PTPRR: variants seen among roughly 807,000 people sequenced by gnomAD.
The protein encoded by PTPRR is receptor-type tyrosine-protein phosphatase R.
In PTPRR, 38 loss-of-function variants were observed where a neutral mutation model predicts 77.2. That is an observed-to-expected ratio of 0.49 (90% CI 0.38 to 0.65). The LOEUF is 0.65. Ranked by LOEUF, PTPRR falls within the 30% of genes least tolerant of loss-of-function variation. The pLI, the probability that PTPRR is intolerant of heterozygous loss-of-function variation, is 0.00. For synonymous variants in PTPRR, 299 were observed against 283.1 expected (o/e 1.06, Z -0.57); for missense variants, 744 against 799.2 (o/e 0.93, Z 0.83).
intron 4 of PTPRR, among the ~76,000 whole-genome samples, chr12:70,756,071 G>A (rs1443652667): frequency 6.6e-6 from 1 of 152,034 alleles, no homozygotes; most frequent in East Asian, 1.9e-4. Flanking sequence ...GTAAAATTTG[G>A]ATAAAAAGGG....
intron 1 of PTPRR, among the ~76,000 whole-genome samples, chr12:70,914,014 T>C (rs945971839): frequency 3.9e-5 from 6 of 151,932 alleles, no homozygotes; most frequent in African/African-American, 1.5e-4. Context: ...TATACAGGAT[T>C]GAAAAGGGAA....
intron 6 of PTPRR, among the ~76,000 whole-genome samples, chr12:70,718,268 GT>G (rs34571781): frequency 0.07 from 10,300 of 146,984 alleles, 464 homozygotes; most frequent in South Asian, 0.12. Flanking sequence ...ATGGTCCACT[GT>G]TTTTTTTTTT....
chr12:70,712,872 C>T (rs1043013608), intron 6 of PTPRR, among the ~76,000 whole-genome samples: 1 of 149,840 alleles, frequency 6.7e-6, no homozygotes, highest in Non-Finnish European at 1.5e-5. Context: ...ATACTCCCTC[C>T]TCTTTTTTAT....
intron 13 of PTPRR, among the ~76,000 whole-genome samples, chr12:70,641,101 T>C (rs553751094): frequency 3.3e-5 from 5 of 152,320 alleles, no homozygotes; most frequent in African/African-American, 1.2e-4. Flanking sequence ...TCTGGGCTCA[T>C]CTAAAATCAT....
chr12:70,652,310 G>C (rs1251774121), intron 13 of PTPRR, among the ~76,000 whole-genome samples: 1 of 152,126 alleles, frequency 6.6e-6, no homozygotes, highest in Non-Finnish European at 1.5e-5. Flanking sequence ...AATAATGTGG[G>C]AGAAAAAGAA....
At chr12:70,877,162 A>G (rs375580136) in intron 2 of PTPRR, among the ~76,000 whole-genome samples, 17 of 152,284 alleles carry the variant, frequency 1.1e-4, no homozygotes, top group African/African-American at 4.1e-4. Flanking sequence ...AATGGAATGT[A>G]AGTAGGGCTT....
intron 1 of PTPRR, among the ~76,000 whole-genome samples, chr12:70,909,556 A>G (rs1303768897): frequency 6.6e-6 from 1 of 152,248 alleles, no homozygotes; most frequent in Non-Finnish European, 1.5e-5. Flanking sequence ...ATCAGGGTAG[A>G]AAAACTTCTT....
chr12:70,864,914 T>C (rs10879206), intron 2 of PTPRR, among the ~76,000 whole-genome samples: 102,681 of 151,984 alleles, frequency 0.68, 35,782 homozygotes, highest in African/African-American at 0.85. Context: ...CGGGTTCAAG[T>C]GATTCTCCTG....
chr12:70,797,935 T>G (rs1490412607), intron 2 of PTPRR, among the ~76,000 whole-genome samples: 1 of 152,170 alleles, frequency 6.6e-6, no homozygotes, highest in East Asian at 1.9e-4. Context: ...CAGTCCCATG[T>G]TTTACACATT....
chr12:70,842,701 G>A (rs1402440794), intron 2 of PTPRR, among the ~76,000 whole-genome samples: 1 of 152,138 alleles, frequency 6.6e-6, no homozygotes, highest in Admixed American at 6.6e-5. Flanking sequence ...TCATTGGATT[G>A]AGAGCTTTCC....
chr12:70,891,807 C>T lies in PTPRR; in HGVS notation c.357+872G>A, dbSNP rs193271856. Reference sequence around the variant, plus strand: ...AAAAGAAGCTTGTTAGATTTAATTACATTTGGTGCATAGAGGAGTTGCCAA... The same window carrying T: ...AAAAGAAGCTTGTTAGATTTAATTATATTTGGTGCATAGAGGAGTTGCCAA... On this transcript the variant is annotated intron_variant, in intron 2 of 13. Transcript: ENST00000283228. Among the ~76,000 whole-genome samples, 105 of 152,180 alleles carry T rather than the reference C, an allele frequency of 6.9e-4. 1 individual carries two copies. The highest frequency in any genetic ancestry group is 2.4e-3 in the African/African-American group (98 of 41,540).
At chr12:70,884,539 T>G (rs1893203336) in intron 2 of PTPRR, among the ~76,000 whole-genome samples, 3 of 152,006 alleles carry the variant, frequency 2.0e-5, no homozygotes, top group African/African-American at 7.3e-5. Flanking sequence ...TATCTGCAGA[T>G]CCCCCTTTTT....
chr12:70,890,756 A>G (rs1359308762), intron 2 of PTPRR, among the ~76,000 whole-genome samples: 1 of 152,130 alleles, frequency 6.6e-6, no homozygotes, highest in Non-Finnish European at 1.5e-5. Context: ...TTTTATACTC[A>G]TGTACATATG....
At chr12:70,835,749 C>A (rs564603782) in intron 2 of PTPRR, among the ~76,000 whole-genome samples, 1 of 152,102 alleles carries the variant, frequency 6.6e-6, no homozygotes, top group African/African-American at 2.4e-5. Flanking sequence ...CTTCAAATTT[C>A]AGATGTGTCA....
At chr12:70,656,060 T>C (rs1592639815) in intron 13 of PTPRR, among the ~76,000 whole-genome samples, 1 of 149,696 alleles carries the variant, frequency 6.7e-6, no homozygotes, top group South Asian at 2.2e-4. Flanking sequence ...AAAAAAAAAA[T>C]TACAAAAATT....
At chr12:70,759,864 C>T (rs1592738557) in intron 4 of PTPRR, among the ~76,000 whole-genome samples, 2 of 151,830 alleles carry the variant, frequency 1.3e-5, no homozygotes, top group African/African-American at 4.8e-5. Context: ...GGACCATATA[C>T]CATATTAAGA....
chr12:70,875,063 G>A lies in PTPRR; in HGVS notation c.357+17616C>T, dbSNP rs372660569. Among the ~76,000 whole-genome samples, 21 of 152,120 alleles carry A rather than the reference G, an allele frequency of 1.4e-4. No individual in the cohort carries two copies. In the South Asian group the frequency reaches 3.1e-3, roughly 23 times the overall value. ...GGCCAAAAATAAAGGTATTAACAATGTGAATTATCATTCATAGAGGAATGG... is the reference window on the plus strand; with the variant it reads ...GGCCAAAAATAAAGGTATTAACAATATGAATTATCATTCATAGAGGAATGG... On this transcript the variant is annotated intron_variant, in intron 2 of 13. Coordinates refer to ENST00000283228, the MANE Select transcript of PTPRR (RefSeq NM_002849.4).
intron 1 of PTPRR, among the ~76,000 whole-genome samples, chr12:70,899,570 CA>C (rs1893495456): frequency 1.3e-5 from 2 of 151,526 alleles, no homozygotes; most frequent in African/African-American, 4.8e-5. Context: ...AGAATGTTCT[CA>C]ACCTGATAAA....
intron 2 of PTPRR, among the ~76,000 whole-genome samples, chr12:70,792,168 A>G (rs966141626): frequency 2.6e-5 from 4 of 152,188 alleles, no homozygotes; most frequent in Admixed American, 1.3e-4. Context: ...ATGGTCTACT[A>G]CGTCAGAGGT....
Sources: allele counts gnomAD v4.1 joint callset (sites outside exome capture counted in the v4.1 genomes callset), GRCh38; gene constraint gnomAD v4.1.1; transcripts MANE v1.5; gene names NCBI Gene and HGNC (gene_info 2026-07-23, HGNC 2026-07-21).